Variants in PDZRN3 observed in about 807,000 individuals in gnomAD.
The protein encoded by PDZRN3 is PDZ domain containing ring finger 3.
PDZRN3 carries 38 observed loss-of-function variants against 85.7 expected under a neutral mutation model. The observed-to-expected ratio is 0.44, with a 90% CI of 0.34 to 0.58. The LOEUF (loss-of-function observed/expected upper bound fraction) is 0.58, where lower values mean the gene tolerates loss of function less well. Among genes scored for constraint, PDZRN3 ranks in the 20% least tolerant of loss-of-function variants. PDZRN3 has a pLI of 0.01. For synonymous variants in PDZRN3, 759 were observed against 638.0 expected, an observed-to-expected ratio of 1.19 and a Z score of -2.86; for missense variants, 1,629 against 1,506.4, an observed-to-expected ratio of 1.08 and a Z score of -1.35.
At chr3:73,508,902 C>A (rs1216062907) in intron 3 of PDZRN3, among the ~76,000 whole-genome samples, 2 of 152,192 alleles carry the variant, frequency 1.3e-5, no homozygotes, top group Non-Finnish European at 2.9e-5. Flanking sequence ...AACAGAGCCC[C>A]TAGTGTCCCT....
At chr3:73,588,478 C>T (rs1288111036) in intron 3 of PDZRN3, among the ~76,000 whole-genome samples, 1 of 152,130 alleles carries the variant, frequency 6.6e-6, no homozygotes, top group Non-Finnish European at 1.5e-5. Context: ...GGTGAACATG[C>T]TCCTGAACTA....
At chr3:73,549,287 C>T (rs1469921170) in intron 3 of PDZRN3, among the ~76,000 whole-genome samples, 1 of 152,162 alleles carries the variant, frequency 6.6e-6, no homozygotes, top group Non-Finnish European at 1.5e-5. Context: ...GATTACTATT[C>T]ATTAGCGGTC....
At chr3:73,471,930 T>C (rs895427868) in intron 3 of PDZRN3, among the ~76,000 whole-genome samples, 1 of 152,240 alleles carries the variant, frequency 6.6e-6, no homozygotes, top group Non-Finnish European at 1.5e-5. Context: ...GCGGCATTAA[T>C]GTTCACACTC....
chr3:73,498,762 T>C (rs922057787), intron 3 of PDZRN3, among the ~76,000 whole-genome samples: 15 of 152,120 alleles, frequency 9.9e-5, no homozygotes, highest in African/African-American at 3.6e-4. Context: ...TTTTTGTATA[T>C]TTAGTAGAGA....
intron 3 of PDZRN3, among the ~76,000 whole-genome samples, chr3:73,486,135 C>T (rs1447733005): frequency 7.2e-5 from 11 of 152,076 alleles, no homozygotes; most frequent in Admixed American, 4.6e-4. Flanking sequence ...GAAGAGACTG[C>T]ATAGTGAAGG....
intron 3 of PDZRN3, among the ~76,000 whole-genome samples, chr3:73,447,362 T>G (rs1366247419): frequency 6.6e-6 from 1 of 151,958 alleles, no homozygotes; most frequent in Non-Finnish European, 1.5e-5. Context: ...GTCTCCTCCC[T>G]CTCCAGGCCG....
chr3:73,404,855 G>T (rs929552517), intron 3 of PDZRN3, among the ~76,000 whole-genome samples: 1 of 152,080 alleles, frequency 6.6e-6, no homozygotes, highest in African/African-American at 2.4e-5. Flanking sequence ...TAATCCTTTC[G>T]CTCTTTAAAA....
At chr3:73,502,859 G>T (rs1047337945) in intron 3 of PDZRN3, among the ~76,000 whole-genome samples, 1 of 152,142 alleles carries the variant, frequency 6.6e-6, no homozygotes, top group Non-Finnish European at 1.5e-5. Flanking sequence ...TGATCAAGAC[G>T]TGGTACCAGA....
At chr3:73,593,702 A>AT (rs2106883591) in intron 3 of PDZRN3, among the ~76,000 whole-genome samples, 1 of 119,768 alleles carries the variant, frequency 8.3e-6, no homozygotes, top group South Asian at 3.2e-4. Context: ...GTTTACCGAA[A>AT]TAAATATACA....
Position 73,608,630 on chromosome 3 carries a change from C to G in PDZRN3, c.778G>C (p.Gly260Arg). 1 of 1,612,930 alleles carries G rather than the reference C, an allele frequency of 6.2e-7. No individual in the cohort carries two copies. Among genetic ancestry groups the G allele is most frequent in the Non-Finnish European group, 8.5e-7 (1 of 1,179,320 alleles). ...GGCCGGCCACCAATAATATTGAATC[C>G]CAGGGAGCCGGAGTCCCGATGCAGG... ...LVLHRDSGSL[G>R]FNIIGGRPSV... Residue 260 changes from glycine to arginine, a missense_variant, in exon 2 of 10, where the codon GGA becomes CGA. By Grantham distance (125) the Gly-to-Arg change is moderately radical. Coordinates refer to ENST00000263666, the MANE Select transcript of PDZRN3 (RefSeq NM_015009.3).
chr3:73,565,598 G>A (rs1258559099), intron 3 of PDZRN3, among the ~76,000 whole-genome samples: 1 of 152,124 alleles, frequency 6.6e-6, no homozygotes, highest in Non-Finnish European at 1.5e-5. Context: ...GCCCTGGGAA[G>A]TTGGGACAAA....
intron 3 of PDZRN3, among the ~76,000 whole-genome samples, chr3:73,587,387 T>C (rs1187967483): frequency 1.3e-5 from 2 of 152,234 alleles, no homozygotes; most frequent in Non-Finnish European, 2.9e-5. Context: ...GTTTGCAGAA[T>C]ACTCTTTCAA....
intron 3 of PDZRN3, among the ~76,000 whole-genome samples, chr3:73,537,786 ATTTTTT>A (rs11387585): frequency 8.0e-5 from 11 of 137,256 alleles, no homozygotes; most frequent in African/African-American, 2.7e-4. Flanking sequence ...CACCCGGCTA[ATTTTTT>A]TTTTTTTTTT....
intron 1 of PDZRN3, among the ~76,000 whole-genome samples, chr3:73,622,105 A>C (rs1465934951): frequency 6.6e-6 from 1 of 152,180 alleles, no homozygotes; most frequent in African/African-American, 2.4e-5. Context: ...TTCACCCTAA[A>C]TCTGGCGCCT....
intron 3 of PDZRN3, among the ~76,000 whole-genome samples, chr3:73,480,131 A>G (rs1703533855): frequency 6.6e-6 from 1 of 152,194 alleles, no homozygotes; most frequent in Non-Finnish European, 1.5e-5. Flanking sequence ...CACTAGACAT[A>G]GCAGTTTGCC....
intron 3 of PDZRN3, among the ~76,000 whole-genome samples, chr3:73,549,590 G>T (rs1266355995): frequency 6.6e-6 from 1 of 152,174 alleles, no homozygotes; most frequent in Non-Finnish European, 1.5e-5. Context: ...TTCATAAAGG[G>T]TTTTTCACTC....
chr3:73,609,186 T>A (rs1251264006), intron 1 of PDZRN3, among the ~76,000 whole-genome samples: 2 of 151,992 alleles, frequency 1.3e-5, no homozygotes, highest in African/African-American at 4.8e-5. Flanking sequence ...GCATGAAAAG[T>A]GAGATGCAAA....
At chr3:73,557,162 G>T (rs1701715438) in intron 3 of PDZRN3, among the ~76,000 whole-genome samples, 1 of 152,178 alleles carries the variant, frequency 6.6e-6, no homozygotes, top group Non-Finnish European at 1.5e-5. Context: ...CCCAGCAGCT[G>T]CACAGGGAAA....
chr3:73,608,283 GC>G (rs1702632451), intron 2 of PDZRN3, among the ~76,000 whole-genome samples: 1 of 152,156 alleles, frequency 6.6e-6, no homozygotes, highest in Non-Finnish European at 1.5e-5. Flanking sequence ...AGTTCCAACT[GC>G]ACACATCTCA....
Sources: allele counts gnomAD v4.1 joint callset (sites outside exome capture counted in the v4.1 genomes callset), GRCh38; gene constraint gnomAD v4.1.1; transcripts MANE v1.5; gene names NCBI Gene and HGNC (gene_info 2026-07-23, HGNC 2026-07-21).